The following CDKN2B-AS1 variants were observed in gnomAD, a reference collection of about 807,000 sequenced individuals.
CDKN2B-AS1 encodes CDKN2B and CDKN2A antisense cis and trans regulatory RNA 1.
intron 1 of CDKN2B-AS1, among the ~76,000 whole-genome samples, chr9:22,022,592 C>T (rs532937770): frequency 6.6e-6 from 1 of 152,100 alleles, no homozygotes; most frequent in Non-Finnish European, 1.5e-5. Flanking sequence ...GGTCTTGGCT[C>T]TTTACTTGGC....
At chr9:22,048,240 T>A (rs562090902) in intron 2 of CDKN2B-AS1, among the ~76,000 whole-genome samples, 6 of 152,128 alleles carry the variant, frequency 3.9e-5, no homozygotes, top group Non-Finnish European at 8.8e-5. Flanking sequence ...TCAGCAGAAG[T>A]GTGTGCCTCT....
intron 1 of CDKN2B-AS1, among the ~76,000 whole-genome samples, chr9:22,031,632 A>G (rs1407700670): frequency 6.6e-6 from 1 of 152,228 alleles, no homozygotes; most frequent in South Asian, 2.1e-4. Flanking sequence ...CAATATGAAA[A>G]AAAATAAAAG....
chr9:22,075,274 C>T (rs542636389), intron 4 of CDKN2B-AS1, among the ~76,000 whole-genome samples: 5 of 152,284 alleles, frequency 3.3e-5, no homozygotes, highest in African/African-American at 9.6e-5. Flanking sequence ...GTCAGGATGT[C>T]TTTGCCTGTT....
intron 1 of CDKN2B-AS1, chr9:22,008,648 A>G (rs903202300): frequency 6.2e-7 from 1 of 1,600,634 alleles, no homozygotes; most frequent in East Asian, 2.2e-5. Context: ...GCTGGGTAAA[A>G]GCCTGTTTTA....
chr9:22,108,694 G>C (rs1412633911), intron 4 of CDKN2B-AS1, among the ~76,000 whole-genome samples: 4 of 152,104 alleles, frequency 2.6e-5, no homozygotes, highest in African/African-American at 9.7e-5. Context: ...AATTTAAAAA[G>C]TCTCCCAAAT....
intron 4 of CDKN2B-AS1, among the ~76,000 whole-genome samples, chr9:22,077,103 AC>A (rs1337396524): frequency 6.6e-6 from 1 of 151,726 alleles, no homozygotes; most frequent in East Asian, 1.9e-4. Context: ...TCCTCCACCC[AC>A]CCTACCTCTG....
rs949629625 is a variant in CDKN2B-AS1 at position 22,045,942 on chromosome 9, A to G, written n.30-809A>G. On this transcript the variant is annotated intron_variant and non_coding_transcript_variant, in intron 1 of 4. Transcript: ENST00000650946. The stretch of plus-strand genomic sequence containing the variant: ...CTATACTACACAAATTGGACCTAAA[A>G]TGAATTCTCTTGCTATATTAAATAT... Among the ~76,000 whole-genome samples the G allele has an allele frequency of 7.2e-5, 11 of 152,288 alleles. 1 individual carries two copies. The highest frequency in any genetic ancestry group is 2.6e-4 in the Admixed American group (4 of 15,276).
At chr9:22,093,771 C>T (rs1482709548) in intron 4 of CDKN2B-AS1, among the ~76,000 whole-genome samples, 1 of 144,108 alleles carries the variant, frequency 6.9e-6, no homozygotes, top group Non-Finnish European at 1.5e-5. Flanking sequence ...ACTCTTTATC[C>T]AATTTGCCAG....
At chr9:22,046,724 T>C (rs1823125417) in intron 1 of CDKN2B-AS1, 1 of 152,184 alleles carries the variant, frequency 6.6e-6, no homozygotes, top group Non-Finnish European at 1.5e-5. Flanking sequence ...TTAATTAACA[T>C]TTGCCTCTTT....
chr9:22,027,062 G>C (rs1822268522), intron 1 of CDKN2B-AS1, among the ~76,000 whole-genome samples: 1 of 151,766 alleles, frequency 6.6e-6, no homozygotes, highest in African/African-American at 2.4e-5. Flanking sequence ...GTACCTTAAT[G>C]TTTCAGTTGA....
intron 4 of CDKN2B-AS1, chr9:22,065,800 A>C (rs1824012536): frequency 6.6e-6 from 1 of 152,226 alleles, no homozygotes; most frequent in Non-Finnish European, 1.5e-5. Flanking sequence ...AGAAAATGTG[A>C]GTCAGTCTTG....
chr9:22,033,280 C>T (rs1382340174), intron 1 of CDKN2B-AS1, among the ~76,000 whole-genome samples: 2 of 152,184 alleles, frequency 1.3e-5, no homozygotes, highest in Non-Finnish European at 2.9e-5. Context: ...CACAGTGTTG[C>T]TTGCTTCTGT....
rs150047066 is a variant in CDKN2B-AS1, at chr9:22,039,602, A to G, written n.30-7149A>G. On this transcript the variant is annotated intron_variant and non_coding_transcript_variant, in intron 1 of 4. Transcript: ENST00000650946. The surrounding 1 kb of genome is among the most constrained non-coding windows in gnomAD (Gnocchi z 4.4). The stretch of plus-strand genomic sequence containing the variant: ...TACAGATTACCACAATCAAAGTAGA[A>G]TGGCAGCTTATAGTAGTTATTTGGA... Among the ~76,000 whole-genome samples the G allele has an allele frequency of 6.6e-6, 1 of 152,036 alleles. No homozygotes were observed. The highest frequency in any genetic ancestry group is 2.1e-4 in the South Asian group (1 of 4,828).
intron 4 of CDKN2B-AS1, among the ~76,000 whole-genome samples, chr9:22,095,907 A>G (rs1587525762): frequency 1.3e-5 from 2 of 151,074 alleles, no homozygotes; most frequent in East Asian, 3.9e-4. Context: ...TAGGATTGCA[A>G]CCCCTGCCTT....
intron 1 of CDKN2B-AS1, among the ~76,000 whole-genome samples, chr9:22,036,705 T>C (rs2131257013): frequency 6.6e-6 from 1 of 152,246 alleles, no homozygotes; most frequent in East Asian, 1.9e-4. Flanking sequence ...GGTGTTTTCT[T>C]GTGTAACTCC....
At position 22,006,014 on chromosome 9, in the gene CDKN2B-AS1, C is replaced by T. The variant is rs759710557; in HGVS notation, n.29+10853C>T. The stretch of plus-strand genomic sequence containing the variant: ...AGTCCCCCGTGGCTGTGCGCAGGTA[C>T]CCTGCAACGTCGCGGTGGCCCCGCT... On this transcript the variant is annotated intron_variant and non_coding_transcript_variant, in intron 1 of 4. Transcript: ENST00000650946. The surrounding 1 kb of genome is among the most constrained non-coding windows in gnomAD (Gnocchi z 6.4). The T allele has an allele frequency of 1.6e-4, 257 of 1,603,450 alleles. No individual in the cohort carries two copies. The highest frequency in any genetic ancestry group is 2.1e-4 in the Non-Finnish European group (251 of 1,179,708).
intron 1 of CDKN2B-AS1, among the ~76,000 whole-genome samples, chr9:22,023,601 G>A (rs1822101707): frequency 6.6e-6 from 1 of 152,052 alleles, no homozygotes; most frequent in African/African-American, 2.4e-5. Context: ...ATCATAGCTG[G>A]GCATGGGGGA....
At chr9:22,051,983 A>G (rs1296671653) in intron 3 of CDKN2B-AS1, among the ~76,000 whole-genome samples, 1 of 152,172 alleles carries the variant, frequency 6.6e-6, no homozygotes, top group Non-Finnish European at 1.5e-5. Context: ...TTGTAATAAA[A>G]TCCATTTTAG....
At chr9:22,044,084 G>T (rs988127005) in intron 1 of CDKN2B-AS1, among the ~76,000 whole-genome samples, 1 of 151,914 alleles carries the variant, frequency 6.6e-6, no homozygotes, top group Non-Finnish European at 1.5e-5. Context: ...TGAGGCAAAA[G>T]GGCAGGAAAG....
Sources: allele counts gnomAD v4.1 joint callset (sites outside exome capture counted in the v4.1 genomes callset), GRCh38; gene constraint gnomAD v4.1.1; non-coding constraint Gnocchi (gnomAD v3.1); transcripts MANE v1.5; gene names NCBI Gene and HGNC (gene_info 2026-07-23, HGNC 2026-07-21).